Variants in SGCG observed in about 807,000 individuals in gnomAD.
SGCG encodes sarcoglycan gamma.
In SGCG, 26 loss-of-function variants were observed where a neutral mutation model predicts 29.3. The observed-to-expected ratio is 0.89, with a 90% CI of 0.65 to 1.23. The LOEUF (loss-of-function observed/expected upper bound fraction) is 1.23, where lower values mean the gene tolerates loss of function less well. SGCG is among the 50% of genes most tolerant of loss of function. SGCG has a pLI of 0.00. For missense variants in SGCG, 353 were observed against 356.0 expected, an observed-to-expected ratio of 0.99 and a Z score of 0.07; for synonymous variants, 145 against 129.7, an observed-to-expected ratio of 1.12 and a Z score of -0.80.
At chr13:23,216,389 C>T (rs1026800459) in intron 2 of SGCG, among the ~76,000 whole-genome samples, 1 of 151,994 alleles carries the variant, frequency 6.6e-6, no homozygotes, top group Admixed American at 6.6e-5. Context: ...TGAAAGATAA[C>T]TTTCACAGGT....
At chr13:23,199,379 A>C (rs2137494125) in intron 1 of SGCG, among the ~76,000 whole-genome samples, 1 of 152,348 alleles carries the variant, frequency 6.6e-6, no homozygotes, top group African/African-American at 2.4e-5. Flanking sequence ...TGCTGACATG[A>C]ATACCACTAA....
chr13:23,275,025 G>A (rs1391285202), intron 4 of SGCG, among the ~76,000 whole-genome samples: 1 of 150,812 alleles, frequency 6.6e-6, no homozygotes, highest in Non-Finnish European at 1.5e-5. Context: ...ATAAATTTTT[G>A]TTAAATAAAT....
chr13:23,244,526 A>T (rs1879624945), intron 3 of SGCG: 1 of 152,232 alleles, frequency 6.6e-6, no homozygotes, highest in African/African-American at 2.4e-5. Flanking sequence ...TCCTTGAAAA[A>T]GCAAAAGCAC....
chr13:23,271,490 C>T (rs1880875960), intron 4 of SGCG, among the ~76,000 whole-genome samples: 1 of 152,178 alleles, frequency 6.6e-6, no homozygotes, highest in Non-Finnish European at 1.5e-5. Flanking sequence ...TCAAAGCTGT[C>T]CTGGGCTGCA....
At chr13:23,201,188 A>G (rs1011806025) in intron 1 of SGCG, among the ~76,000 whole-genome samples, 11 of 152,314 alleles carry the variant, frequency 7.2e-5, no homozygotes, top group African/African-American at 2.4e-4. Context: ...AGCTGGCCTC[A>G]TAACAGGATT....
At chr13:23,311,071 A>G (rs1882580295) in intron 6 of SGCG, among the ~76,000 whole-genome samples, 1 of 152,168 alleles carries the variant, frequency 6.6e-6, no homozygotes, top group African/African-American at 2.4e-5. Context: ...TAGATTGTAC[A>G]TTTGTTCCCT....
chr13:23,220,183 T>G (rs1357571939), intron 2 of SGCG, among the ~76,000 whole-genome samples: 1 of 151,684 alleles, frequency 6.6e-6, no homozygotes, highest in Non-Finnish European at 1.5e-5. Context: ...CTGGGCGCAG[T>G]GGCTCACGTC....
At chr13:23,312,865 G>A (rs1474961275) in intron 6 of SGCG, among the ~76,000 whole-genome samples, 1 of 151,900 alleles carries the variant, frequency 6.6e-6, no homozygotes, top group African/African-American at 2.4e-5. Flanking sequence ...GGTAATACTA[G>A]GAAATTTTTA....
chr13:23,166,979 T>C, the SGCG span, among the ~76,000 whole-genome samples: 1 of 152,208 alleles, frequency 6.6e-6, no homozygotes, highest in Admixed American at 6.5e-5. Context: ...AGTCATCCTG[T>C]TGTGCTATCA....
At chr13:23,216,799 T>G (rs964014439) in intron 2 of SGCG, among the ~76,000 whole-genome samples, 2 of 152,152 alleles carry the variant, frequency 1.3e-5, no homozygotes, top group African/African-American at 4.8e-5. Flanking sequence ...GTTAATTACA[T>G]AAAATGATGT....
At chr13:23,180,798 C>T (rs867668378), upstream of SGCG, among the ~76,000 whole-genome samples, 1 of 152,088 alleles carries the variant, frequency 6.6e-6, no homozygotes, top group Non-Finnish European at 1.5e-5. Flanking sequence ...TTTTGGCATG[C>T]GAAGAGCTGT....
At chr13:23,231,043 T>C (rs1479335066) in intron 2 of SGCG, among the ~76,000 whole-genome samples, 1 of 152,246 alleles carries the variant, frequency 6.6e-6, no homozygotes, top group Non-Finnish European at 1.5e-5. Context: ...ATTGAGATAA[T>C]CATGTGCTTT....
intron 4 of SGCG, among the ~76,000 whole-genome samples, chr13:23,258,513 T>C (rs184695289): frequency 1.3e-5 from 2 of 152,334 alleles, no homozygotes; most frequent in East Asian, 3.9e-4. Flanking sequence ...TTTGACCTCC[T>C]CTTTTCCTCA....
At chr13:23,257,822 G>C (rs1229300891) in intron 4 of SGCG, among the ~76,000 whole-genome samples, 1 of 152,118 alleles carries the variant, frequency 6.6e-6, no homozygotes, top group Non-Finnish European at 1.5e-5. Context: ...CCCATTGCTT[G>C]TTTTTGTCAG....
At chr13:23,227,828 C>A (rs978009428) in intron 2 of SGCG, among the ~76,000 whole-genome samples, 2 of 152,074 alleles carry the variant, frequency 1.3e-5, no homozygotes, top group African/African-American at 4.8e-5. Flanking sequence ...TATTATTATT[C>A]GAGACAAGGT....
intron 2 of SGCG, among the ~76,000 whole-genome samples, chr13:23,210,045 A>G (rs1205811596): frequency 6.6e-6 from 1 of 152,236 alleles, no homozygotes; most frequent in Non-Finnish European, 1.5e-5. Context: ...TTATTAACAG[A>G]GAAATGGTTA....
intron 2 of SGCG, among the ~76,000 whole-genome samples, chr13:23,228,741 T>C (rs1878995071): frequency 6.6e-6 from 1 of 152,214 alleles, no homozygotes; most frequent in Admixed American, 6.5e-5. Context: ...GTTCCTGTGT[T>C]AGTATGCTAA....
At chr13:23,166,118 G>A in the SGCG span, among the ~76,000 whole-genome samples, 3 of 152,144 alleles carry the variant, frequency 2.0e-5, no homozygotes, top group South Asian at 6.2e-4. Context: ...CCTTGTCCCT[G>A]GTCTTGGTGT....
At chr13:23,186,958 C>A (rs1005371309) in intron 1 of SGCG, among the ~76,000 whole-genome samples, 1 of 152,172 alleles carries the variant, frequency 6.6e-6, no homozygotes, top group Non-Finnish European at 1.5e-5. Flanking sequence ...GATGATGTAA[C>A]CCCCTGGCCA....
Sources: gnomAD v4.1 joint callset for allele counts (sites outside exome capture counted in the v4.1 genomes callset) on GRCh38, gnomAD v4.1.1 for gene constraint, MANE v1.5 for transcripts, NCBI Gene and HGNC (gene_info 2026-07-23, HGNC 2026-07-21) for gene names.